The following SMARCAD1 variants were observed in gnomAD, a reference collection of about 807,000 sequenced individuals.
SMARCAD1 encodes the protein SNF2 related chromatin remodeling ATPase with DExD box 1.
A neutral mutation model predicts 127.1 loss-of-function variants in SMARCAD1; 25 were observed. That is an observed-to-expected ratio of 0.20 (90% CI 0.14 to 0.27). The LOEUF is 0.27. Ranked by LOEUF, SMARCAD1 falls within the 10% of genes least tolerant of loss-of-function variation. The pLI is 1.00. For missense variants in SMARCAD1, 807 were observed against 1,206.0 expected, an observed-to-expected ratio of 0.67 and a Z score of 4.90; for synonymous variants, 400 against 396.9, an observed-to-expected ratio of 1.01 and a Z score of -0.09.
At chr4:94,284,888 TTAAA>T (rs1240319929) in intron 22 of SMARCAD1, 68 bp from the exon 23 acceptor site, 2 of 951,660 alleles carry the variant, frequency 2.1e-6, no homozygotes, top group African/African-American at 1.7e-5. Flanking sequence ...TTTTGAACTC[TTAAA>T]TATAGTTTAC....
chr4:94,271,037 T>G (rs1320680784), intron 11 of SMARCAD1, among the ~76,000 whole-genome samples: 1 of 152,176 alleles, frequency 6.6e-6, no homozygotes, highest in Non-Finnish European at 1.5e-5. Context: ...GATTATCAGA[T>G]TAGTAAATAC....
At chr4:94,269,485 C>T (rs1046715939) in intron 10 of SMARCAD1, among the ~76,000 whole-genome samples, 9 of 147,214 alleles carry the variant, frequency 6.1e-5, no homozygotes, top group Non-Finnish European at 1.2e-4. Flanking sequence ...CAACCTCAGG[C>T]AAATTAAGTT....
intron 3 of SMARCAD1, among the ~76,000 whole-genome samples, chr4:94,229,801 GTT>G (rs33983103): frequency 1.3e-4 from 19 of 146,020 alleles, no homozygotes; most frequent in East Asian, 2.0e-4. Flanking sequence ...AATGTGTGGT[GTT>G]TTTTTTTTTT....
rs1749163567 is a variant in SMARCAD1 at position 94,250,779 on chromosome 4, G to A, written c.835G>A (p.Glu279Lys). 6.2e-7 allele frequency: 1 copy of A among 1,610,826 alleles called. No individual in the cohort carries two copies. The highest frequency in any genetic ancestry group is 1.7e-5 in the Admixed American group (1 of 59,744). Reference protein sequence around the residue: ...QELREVLKEHEWMYTEALESL... With the variant: ...QELREVLKEHKWMYTEALESL... ...ACTTAGAGAAGTACTCAAGGAACATGAATGGATGTACACAGAAGCTTTAGA... is the reference window on the plus strand; with the variant it reads ...ACTTAGAGAAGTACTCAAGGAACATAAATGGATGTACACAGAAGCTTTAGA... The change falls in exon 8 of 24, where the codon GAA (glutamate) becomes AAA (lysine). Residue 279 changes from glutamate (E) to lysine (K), a missense_variant. Around this residue, in one of 8 missense-constraint regions of SMARCAD1, gnomAD observed 257 missense variants for 303.4 expected, o/e 0.85. Coordinates refer to ENST00000354268, the MANE Select transcript of SMARCAD1 (RefSeq NM_020159.5).
At chr4:94,253,275 G>A (rs1490554252) in intron 9 of SMARCAD1, 23 of 1,439,452 alleles carry the variant, frequency 1.6e-5, no homozygotes, top group Middle Eastern at 1.8e-4. Flanking sequence ...TAGAAACTTC[G>A]TTCATTTCAC....
chr4:94,229,249 G>T (rs878863389), intron 3 of SMARCAD1, among the ~76,000 whole-genome samples: 1 of 152,058 alleles, frequency 6.6e-6, no homozygotes, highest in Admixed American at 6.5e-5. Flanking sequence ...ATTGATTTTT[G>T]TCGGATTAAT....
intron 6 of SMARCAD1, among the ~76,000 whole-genome samples, chr4:94,248,146 G>T (rs1748738327): frequency 6.6e-6 from 1 of 152,114 alleles, no homozygotes; most frequent in African/African-American, 2.4e-5. Flanking sequence ...ATGGTTTCCA[G>T]CTACATCTGT....
chr4:94,267,574 T>C (rs1281038645), intron 10 of SMARCAD1, among the ~76,000 whole-genome samples: 1 of 152,098 alleles, frequency 6.6e-6, no homozygotes, highest in African/African-American at 2.4e-5. Context: ...TTAAACCCAA[T>C]TGAATTTTCA....
intron 6 of SMARCAD1, among the ~76,000 whole-genome samples, chr4:94,244,407 T>G (rs957794383): frequency 3.3e-5 from 5 of 152,210 alleles, no homozygotes; most frequent in Non-Finnish European, 7.3e-5. Context: ...GGGAAGTAAA[T>G]TGAAGGCAGC....
intron 4 of SMARCAD1, among the ~76,000 whole-genome samples, 180 bp from the exon 5 acceptor site, chr4:94,236,772 A>C (rs966930582): frequency 2.0e-5 from 3 of 152,214 alleles, no homozygotes; most frequent in South Asian, 2.1e-4. Context: ...CTTAAAATTC[A>C]GACCTTTTAC....
intron 10 of SMARCAD1, among the ~76,000 whole-genome samples, chr4:94,266,489 C>T (rs1751750638): frequency 6.6e-6 from 1 of 151,908 alleles, no homozygotes; most frequent in Non-Finnish European, 1.5e-5. Flanking sequence ...ACTTCTAAAA[C>T]CTATATGGAT....
intron 10 of SMARCAD1, among the ~76,000 whole-genome samples, chr4:94,269,863 C>T (rs1409340523): frequency 1.3e-5 from 2 of 151,648 alleles, no homozygotes; most frequent in East Asian, 2.0e-4. Flanking sequence ...GTAGAGATAG[C>T]GTTTTGTCAA....
intron 10 of SMARCAD1, among the ~76,000 whole-genome samples, chr4:94,265,462 T>C (rs1560552572): frequency 6.6e-6 from 1 of 151,910 alleles, no homozygotes; most frequent in Admixed American, 6.6e-5. Context: ...AGTCTACATA[T>C]TTCCCCAATT....
chr4:94,215,799 A>T (rs1743078399), intron 2 of SMARCAD1, among the ~76,000 whole-genome samples: 1 of 152,196 alleles, frequency 6.6e-6, no homozygotes, highest in African/African-American at 2.4e-5. Context: ...AATAGGCAAA[A>T]GTATGTTATT....
At chr4:94,264,519 G>A (rs1181932840) in intron 9 of SMARCAD1, 188 bp from the exon 10 acceptor site, 1 of 528,158 alleles carries the variant, frequency 1.9e-6, no homozygotes, top group African/African-American at 1.9e-5. Flanking sequence ...TGTGACAGTA[G>A]AATATAAAAG....
At chr4:94,248,344 C>A (rs1249946779) in intron 6 of SMARCAD1, 2 of 380,766 alleles carry the variant, frequency 5.3e-6, no homozygotes, top group East Asian at 1.5e-4. Flanking sequence ...GATATATTAA[C>A]AAATGAACAA....
chr4:94,238,228 G>A lies in SMARCAD1; in HGVS notation c.604+1210G>A, dbSNP rs139390658. 3.8e-3 allele frequency among the ~76,000 whole-genome samples: 578 copies of A among 152,236 alleles called. 2 individuals are homozygous for A. Among genetic ancestry groups the A allele is most frequent in the African/African-American group, 0.013 (543 of 41,546 alleles). On this transcript the variant is annotated intron_variant, in intron 5 of 23. Coordinates refer to ENST00000354268, the MANE Select transcript of SMARCAD1 (RefSeq NM_020159.5). ...TTCCTCCAGTTTGAGCAAGGAGACA[G>A]TATTTTGTGGGTGCTACCTACAGTG... is the stretch of plus-strand genomic sequence containing the variant.
chr4:94,210,666 G>A (rs769149403), intron 2 of SMARCAD1, among the ~76,000 whole-genome samples: 2 of 152,068 alleles, frequency 1.3e-5, no homozygotes, highest in Non-Finnish European at 2.9e-5. Context: ...ATTTTTATGC[G>A]CGGTGGCTGA....
intron 16 of SMARCAD1, 53 bp downstream of exon 16, chr4:94,277,212 G>A: frequency 6.3e-7 from 1 of 1,597,702 alleles, no homozygotes; most frequent in Non-Finnish European, 8.6e-7. Flanking sequence ...TTTTATCTGG[G>A]CCATTCTTCT....
Sources: allele counts gnomAD v4.1 joint callset (sites outside exome capture counted in the v4.1 genomes callset), GRCh38; gene constraint gnomAD v4.1.1; regional missense constraint gnomAD v4.1.1; transcripts MANE v1.5; gene names NCBI Gene and HGNC (gene_info 2026-07-23, HGNC 2026-07-21).